Variants in STX8 observed in about 807,000 individuals in gnomAD.
The protein encoded by STX8 is syntaxin-8.
In STX8, 23 loss-of-function variants were observed where a neutral mutation model predicts 37.5. The observed-to-expected ratio is 0.61, with a 90% CI of 0.44 to 0.87. The LOEUF (loss-of-function observed/expected upper bound fraction) is 0.87, where lower values mean the gene tolerates loss of function less well. Ranked by LOEUF, STX8 falls within the 40% of genes least tolerant of loss-of-function variation. The pLI is 0.00. For missense variants in STX8, 313 were observed against 284.7 expected (o/e 1.10, Z -0.71); for synonymous variants, 115 against 99.1 (o/e 1.16, Z -0.95).
Position 9,452,693 on chromosome 17 carries a change from C to T in STX8, c.541+39136G>A, listed in dbSNP as rs565592234. Among the ~76,000 whole-genome samples, 67 of 152,078 alleles carry T rather than the reference C, an allele frequency of 4.4e-4. 1 individual carries two copies. The highest frequency in any genetic ancestry group is 1.6e-3 in the African/African-American group (66 of 41,486). On this transcript the variant is annotated intron_variant, in intron 6 of 7. Coordinates refer to ENST00000306357, the MANE Select transcript of STX8 (RefSeq NM_004853.3). ...AAACCCTTGAAAGGTTGTCACATGACGGGTGTTCTCAATGTATAAACTTCT... is the reference window on the plus strand; with the variant it reads ...AAACCCTTGAAAGGTTGTCACATGATGGGTGTTCTCAATGTATAAACTTCT...
At chr17:9,425,976 T>C (rs1913612435) in intron 6 of STX8, among the ~76,000 whole-genome samples, 1 of 152,168 alleles carries the variant, frequency 6.6e-6, no homozygotes, top group Admixed American at 6.6e-5. Flanking sequence ...AGTCCCATCC[T>C]TCATCCTATA....
At chr17:9,408,684 C>T (rs187072918) in intron 6 of STX8, among the ~76,000 whole-genome samples, 33 of 152,272 alleles carry the variant, frequency 2.2e-4, no homozygotes, top group African/African-American at 7.2e-4. Flanking sequence ...TAAGGAATGA[C>T]AGGTTAACTT....
chr17:9,259,810 T>C (rs965845646), intron 7 of STX8, among the ~76,000 whole-genome samples: 4 of 152,156 alleles, frequency 2.6e-5, no homozygotes, highest in African/African-American at 7.2e-5. Context: ...CCCGACTTTA[T>C]AACACATTCA....
intron 4 of STX8, among the ~76,000 whole-genome samples, chr17:9,529,693 A>G (rs1486158720): frequency 6.6e-6 from 1 of 152,226 alleles, no homozygotes; most frequent in Non-Finnish European, 1.5e-5. Context: ...GATGTCTGAG[A>G]TCCATCCATA....
In STX8 at chr17:9,545,257, G is replaced by A; in HGVS notation, c.238C>T (p.Gln80Ter). 1 of 1,614,088 alleles carries A rather than the reference G, an allele frequency of 6.2e-7. No individual in the cohort carries two copies. Among genetic ancestry groups the A allele is most frequent in the Non-Finnish European group, 8.5e-7 (1 of 1,179,976 alleles). ...QITQLEGDRRQNLLDDLVTRE... is the reference protein window; with the variant it reads ...QITQLEGDRR ...GTTACAAGATCATCCAAGAGGTTCT[G>A]TCTTCGGTCCCCTTCAAGCTGTGTT... Residue 80 changes from glutamine (Q) to a stop codon, truncating the protein, a stop_gained, in exon 4 of 8, where the codon CAG (glutamine) becomes TAG (stop). Coordinates refer to ENST00000306357, the MANE Select transcript of STX8 (RefSeq NM_004853.3). LOFTEE classifies it high-confidence loss of function.
chr17:9,504,337 T>C (rs551155616), intron 5 of STX8, among the ~76,000 whole-genome samples: 1 of 142,058 alleles, frequency 7.0e-6, no homozygotes, highest in African/African-American at 2.6e-5. Flanking sequence ...TAAGAAAGTT[T>C]AAAAAAAAAA....
At chr17:9,477,177 AG>A (rs1337239865) in intron 6 of STX8, among the ~76,000 whole-genome samples, 3 of 152,156 alleles carry the variant, frequency 2.0e-5, no homozygotes, top group Admixed American at 2.0e-4. Flanking sequence ...TCTGCTTAAA[AG>A]GATACCAGGC....
At chr17:9,418,525 A>AC (rs1567551566) in intron 6 of STX8, among the ~76,000 whole-genome samples, 1 of 150,260 alleles carries the variant, frequency 6.7e-6, no homozygotes, top group Non-Finnish European at 1.5e-5. Context: ...CTAAAAAAAA[A>AC]AAAAAACAAA....
Position 9,319,572 on chromosome 17 carries a change from T to C in STX8, c.643+58980A>G, listed in dbSNP as rs1214444902. ...AAACAAGATTTACAGTCATATCCCA[T>C]CCAGACTGGAACAAGAAGCCAGAGG... On this transcript the variant is annotated intron_variant, in intron 7 of 7. Transcript: ENST00000306357. Among the ~76,000 whole-genome samples, 4 of 152,230 alleles carry C rather than the reference T, an allele frequency of 2.6e-5. No homozygotes were observed. In the South Asian group the frequency reaches 6.2e-4, roughly 24 times the overall value.
intron 7 of STX8, among the ~76,000 whole-genome samples, chr17:9,359,396 A>T (rs1910986608): frequency 6.6e-6 from 1 of 152,056 alleles, no homozygotes; most frequent in Non-Finnish European, 1.5e-5. Context: ...AGAAAGGTTG[A>T]ATAGAGAGCC....
Position 9,387,456 on chromosome 17 carries a change from G to A in STX8, c.542-8803C>T, listed in dbSNP as rs185640247. Among the ~76,000 whole-genome samples, 614 of 152,214 alleles carry A rather than the reference G, an allele frequency of 4.0e-3. 4 individuals carry two copies. Among genetic ancestry groups the A allele is most frequent in the African/African-American group, 0.014 (572 of 41,526 alleles). On this transcript the variant is annotated intron_variant, in intron 6 of 7. Coordinates refer to ENST00000306357, the MANE Select transcript of STX8 (RefSeq NM_004853.3). ...ACTACAGGCGCCCGCCACCACACCC[G>A]GCTAATTTTTTGTATTTTTAGTAGA...
At chr17:9,412,301 C>G (rs1213165056) in intron 6 of STX8, among the ~76,000 whole-genome samples, 1 of 146,696 alleles carries the variant, frequency 6.8e-6, no homozygotes, top group African/African-American at 2.6e-5. Flanking sequence ...TTTTTTGAGA[C>G]GGAGTTTTGC....
At chr17:9,487,192 C>T (rs1175937263) in intron 6 of STX8, among the ~76,000 whole-genome samples, 3 of 152,130 alleles carry the variant, frequency 2.0e-5, no homozygotes, top group Admixed American at 1.3e-4. Flanking sequence ...GACCTTTCAG[C>T]TTTGTGGTTA....
chr17:9,451,726 A>G (rs1040517089), intron 6 of STX8, among the ~76,000 whole-genome samples: 5 of 152,170 alleles, frequency 3.3e-5, no homozygotes, highest in Admixed American at 3.3e-4. Context: ...ATTATTTTTG[A>G]ATACTTCATA....
chr17:9,483,810 G>A (rs1906455056), intron 6 of STX8, among the ~76,000 whole-genome samples: 2 of 152,130 alleles, frequency 1.3e-5, no homozygotes, highest in Non-Finnish European at 2.9e-5. Context: ...GCAGAGAGGA[G>A]ATGCACGCCT....
intron 4 of STX8, among the ~76,000 whole-genome samples, chr17:9,530,134 C>T (rs920831524): frequency 6.6e-6 from 1 of 152,032 alleles, no homozygotes; most frequent in African/African-American, 2.4e-5. Flanking sequence ...AGTGAAACCC[C>T]GTTTCTACTA....
In STX8 at chr17:9,373,342, T is replaced by C. The variant is rs367736986; in HGVS notation, c.643+5210A>G. ...ACATTTATGGTGGCATTATTCACAA[T>C]AGCCAAAAGGTGGAACAACCTGTGT... On this transcript the variant is annotated intron_variant, in intron 7 of 7. Coordinates refer to ENST00000306357, the MANE Select transcript of STX8 (RefSeq NM_004853.3). 1.2e-3 allele frequency among the ~76,000 whole-genome samples: 184 copies of C among 152,290 alleles called. 1 individual carries two copies. The highest frequency in any genetic ancestry group is 4.0e-3 in the African/African-American group (166 of 41,554).
intron 6 of STX8, among the ~76,000 whole-genome samples, chr17:9,468,141 C>G (rs1440981136): frequency 6.6e-6 from 1 of 152,120 alleles, no homozygotes; most frequent in African/African-American, 2.4e-5. Flanking sequence ...TGGAGTTTTG[C>G]TCTTGTCACC....
intron 6 of STX8, among the ~76,000 whole-genome samples, chr17:9,491,229 A>G (rs1159700714): frequency 6.6e-6 from 1 of 152,024 alleles, no homozygotes; most frequent in Non-Finnish European, 1.5e-5. Context: ...CCTTAACGTA[A>G]AATCACTGGC....
Sources: gnomAD v4.1 joint callset for allele counts (sites outside exome capture counted in the v4.1 genomes callset) on GRCh38, gnomAD v4.1.1 for gene constraint, MANE v1.5 for transcripts, NCBI Gene and HGNC (gene_info 2026-07-23, HGNC 2026-07-21) for gene names.